Variants in HECW2 observed in about 807,000 individuals in gnomAD.
HECW2 encodes the protein HECT, C2 and WW domain containing E3 ubiquitin protein ligase 2, also known as E3 ubiquitin-protein ligase HECW2.
HECW2 carries 61 observed loss-of-function variants against 175.2 expected under a neutral mutation model. The ratio of observed to expected loss-of-function variants is 0.35; its 90% CI spans 0.28 to 0.43. The LOEUF is 0.43. HECW2 is among the 20% of genes least tolerant of loss of function. The pLI, the probability that HECW2 is intolerant of heterozygous loss-of-function variation, is 1.00. For missense variants in HECW2, 1,524 were observed against 2,000.5 expected, an observed-to-expected ratio of 0.76 and a Z score of 4.54; for synonymous variants, 671 against 731.0, an observed-to-expected ratio of 0.92 and a Z score of 1.32.
chr2:196,558,745 G>A lies in HECW2; in HGVS notation c.-36+34763C>T, dbSNP rs80301926. Among the ~76,000 whole-genome samples, 8 of 152,226 alleles carry A rather than the reference G, an allele frequency of 5.3e-5. No homozygotes were observed. The East Asian group carries it at 1.5e-3, about 29-fold the overall frequency. On this transcript the variant is annotated intron_variant, in intron 1 of 28. Coordinates refer to ENST00000644978, the MANE Select transcript of HECW2 (RefSeq NM_001348768.2). ...AGGTTGACAGCATTGTGCCTTTGAA[G>A]GCCTGTGTCTGCCACAGCAGCAATA...
chr2:196,395,253 C>T (rs1316176054), intron 2 of HECW2, among the ~76,000 whole-genome samples: 3 of 152,214 alleles, frequency 2.0e-5, no homozygotes, highest in East Asian at 1.9e-4. Context: ...AAACTTAAAA[C>T]TCTTAGAGGA....
At chr2:196,276,618 A>C (rs1241242526) in intron 15 of HECW2, among the ~76,000 whole-genome samples, 3 of 152,204 alleles carry the variant, frequency 2.0e-5, no homozygotes, top group Non-Finnish European at 4.4e-5. Context: ...CAAAGGTGAG[A>C]GGTCTGTTCT....
At chr2:196,443,455 T>C (rs1014200545) in intron 1 of HECW2, among the ~76,000 whole-genome samples, 1 of 152,202 alleles carries the variant, frequency 6.6e-6, no homozygotes, top group Non-Finnish European at 1.5e-5. Context: ...ACAATATTTA[T>C]TGGCAGAGGT....
intron 1 of HECW2, among the ~76,000 whole-genome samples, chr2:196,547,037 A>C (rs1412251263): frequency 6.6e-6 from 1 of 152,214 alleles, no homozygotes; most frequent in Non-Finnish European, 1.5e-5. Context: ...TACAGTATGA[A>C]GACTCAGTTA....
At chr2:196,266,722 C>G (rs1689531868) in intron 17 of HECW2, among the ~76,000 whole-genome samples, 2 of 152,104 alleles carry the variant, frequency 1.3e-5, no homozygotes, top group Admixed American at 1.3e-4. Flanking sequence ...TAGGGTTTAT[C>G]TTAAGAAAGA....
At chr2:196,402,192 C>A (rs1694838498) in intron 2 of HECW2, among the ~76,000 whole-genome samples, 1 of 90,436 alleles carries the variant, frequency 1.1e-5, no homozygotes. Context: ...CAGAGTGAGA[C>A]TCTGTCTCAA....
intron 13 of HECW2, among the ~76,000 whole-genome samples, chr2:196,301,860 T>C (rs1042518063): frequency 6.6e-6 from 1 of 152,194 alleles, no homozygotes; most frequent in African/African-American, 2.4e-5. Context: ...GATAGTTTCT[T>C]TTGCTGTGTA....
intron 1 of HECW2, among the ~76,000 whole-genome samples, chr2:196,445,897 T>A (rs760048679): frequency 1.3e-5 from 2 of 152,312 alleles, no homozygotes; most frequent in Admixed American, 6.5e-5. Flanking sequence ...CCAGCCACCA[T>A]CATCTCTCCT....
At chr2:196,351,804 C>T (rs753903065) in intron 2 of HECW2, among the ~76,000 whole-genome samples, 2 of 152,126 alleles carry the variant, frequency 1.3e-5, no homozygotes, top group Non-Finnish European at 1.5e-5. Flanking sequence ...GAATTAGATG[C>T]CTGTCTGGAA....
chr2:196,247,617 C>T (rs1247430496), intron 19 of HECW2, among the ~76,000 whole-genome samples: 1 of 152,184 alleles, frequency 6.6e-6, no homozygotes, highest in Non-Finnish European at 1.5e-5. Flanking sequence ...TTTGCTTTGT[C>T]ATTGCTAGGC....
In HECW2 at chr2:196,200,595, T is replaced by TA. The variant is rs763976078; in HGVS notation, c.*681dup. 4 of 152,640 alleles carry TA rather than the reference T, an allele frequency of 2.6e-5. No individual in the cohort carries two copies. The highest frequency in any genetic ancestry group is 5.9e-5 in the Non-Finnish European group (4 of 68,030). The allele number at this position is 152,640 out of a possible 1,614,324, so 9.5% of individuals were successfully genotyped here. ...AATTGTTTTCATGCATTATAAAGCA[T>TA]AAAATCTGTCATTAGTAATTCACTG... is the stretch of plus-strand genomic sequence containing the variant. On this transcript the variant is annotated 3_prime_UTR_variant, in exon 29 of 29. Coordinates refer to ENST00000644978, the MANE Select transcript of HECW2 (RefSeq NM_001348768.2).
At chr2:196,537,044 G>T (rs1267263878) in intron 1 of HECW2, among the ~76,000 whole-genome samples, 1 of 152,118 alleles carries the variant, frequency 6.6e-6, no homozygotes, top group Admixed American at 6.5e-5. Flanking sequence ...GTTCAATTTT[G>T]CCTAAAATCA....
intron 2 of HECW2, among the ~76,000 whole-genome samples, chr2:196,349,252 G>C (rs1021893102): frequency 1.3e-5 from 2 of 151,634 alleles, no homozygotes; most frequent in Non-Finnish European, 2.9e-5. Context: ...ATTTCCTCTC[G>C]TACTAGGATT....
At chr2:196,208,678 C>T (rs1280581154) in intron 28 of HECW2, among the ~76,000 whole-genome samples, 2 of 152,156 alleles carry the variant, frequency 1.3e-5, no homozygotes, top group Non-Finnish European at 2.9e-5. Flanking sequence ...GAAGGACCAG[C>T]AGATAAGTGT....
Position 196,234,389 on chromosome 2 carries a change from G to T in HECW2, c.3764+6060C>A, listed in dbSNP as rs2105859674. On this transcript the variant is annotated intron_variant, in intron 21 of 28. Transcript: ENST00000644978. The stretch of plus-strand genomic sequence containing the variant: ...TGTAACCTTGAGCTCCTGGACTCAA[G>T]CGATCCTCCTGCCTCAGCCTCCCAA... Among the ~76,000 whole-genome samples the T allele has an allele frequency of 1.3e-5, 2 of 152,042 alleles. 1 individual carries two copies. Among genetic ancestry groups the T allele is most frequent in the South Asian group, 4.2e-4 (2 of 4,816 alleles).
In HECW2 at chr2:196,220,088, T is replaced by G. The variant is rs1559443650; in HGVS notation, c.4359A>C (p.Thr1453=). ...TCCAATCACTTAGGTCTATTTCAGCTGTGCCTGCGATGACCAATTCCAGTT... is the reference window on the plus strand; with the variant it reads ...TCCAATCACTTAGGTCTATTTCAGCGGTGCCTGCGATGACCAATTCCAGTT... The part of the protein sequence containing the change: ...ARELELVIAG[T]AEIDLSDWRN... Residue 1453 remains threonine (T), a synonymous_variant, in exon 26 of 29, where the codon ACA becomes ACC. Coordinates refer to ENST00000644978, the MANE Select transcript of HECW2 (RefSeq NM_001348768.2). 2 of 1,613,700 alleles carry G rather than the reference T, an allele frequency of 1.2e-6. No individual in the cohort carries two copies. Among genetic ancestry groups the G allele is most frequent in the Non-Finnish European group, 1.7e-6 (2 of 1,179,794 alleles).
chr2:196,570,116 G>A (rs1690331722), intron 1 of HECW2, among the ~76,000 whole-genome samples: 1 of 152,152 alleles, frequency 6.6e-6, no homozygotes, highest in African/African-American at 2.4e-5. Flanking sequence ...AGCTTGCTTT[G>A]TATGGTTCTA....
chr2:196,262,834 C>T (rs1197424390), intron 17 of HECW2, among the ~76,000 whole-genome samples: 1 of 152,166 alleles, frequency 6.6e-6, no homozygotes, highest in Non-Finnish European at 1.5e-5. Flanking sequence ...GCTGGGATTA[C>T]AGGCACGAGC....
At chr2:196,381,377 T>G (rs1694203068) in intron 2 of HECW2, among the ~76,000 whole-genome samples, 1 of 152,166 alleles carries the variant, frequency 6.6e-6, no homozygotes. Flanking sequence ...AATGCTTTGG[T>G]GCCTTAGCTG....
Sources: allele counts gnomAD v4.1 joint callset (sites outside exome capture counted in the v4.1 genomes callset), GRCh38; gene constraint gnomAD v4.1.1; transcripts MANE v1.5; gene names NCBI Gene and HGNC (gene_info 2026-07-23, HGNC 2026-07-21).